SECISBP2L: variants seen among roughly 807,000 people sequenced by gnomAD.
SECISBP2L encodes SECIS binding protein 2 like.
In SECISBP2L, 43 loss-of-function variants were observed where a neutral mutation model predicts 114.7. The observed-to-expected ratio is 0.38, with a 90% CI of 0.29 to 0.48. The LOEUF (loss-of-function observed/expected upper bound fraction) is 0.48, where lower values mean the gene tolerates loss of function less well. Among genes scored for constraint, SECISBP2L ranks in the 20% least tolerant of loss-of-function variants. The pLI, the probability that SECISBP2L is intolerant of heterozygous loss-of-function variation, is 0.98. For synonymous variants in SECISBP2L, 451 were observed against 439.7 expected (o/e 1.03, Z -0.32); for missense variants, 1,136 against 1,301.1 (o/e 0.87, Z 1.95).
chr15:49,016,294 G>A (rs1902534174), intron 11 of SECISBP2L: 1 of 287,644 alleles, frequency 3.5e-6, no homozygotes, highest in Non-Finnish European at 6.4e-6. Context: ...AGGAAATCTG[G>A]TGAGTAGTTA....
chr15:49,030,169 AATATG>A (rs2141080936), intron 4 of SECISBP2L, among the ~76,000 whole-genome samples: 1 of 152,312 alleles, frequency 6.6e-6, no homozygotes, highest in African/African-American at 2.4e-5. Context: ...TGCTCTGCTT[AATATG>A]ATGTCATGTC....
intron 17 of SECISBP2L, among the ~76,000 whole-genome samples, 174 bp from the exon 18 acceptor site, chr15:48,993,100 A>AGAGAGAGTGT (rs772299775): frequency 0.023 from 3,247 of 139,162 alleles, 97 homozygotes; most frequent in African/African-American, 0.067. Flanking sequence ...ACAGAGAGAG[A>AGAGAGAGTGT]GTGTGTGTGT....
At chr15:49,032,253 A>AT (rs1200156587) in intron 4 of SECISBP2L, among the ~76,000 whole-genome samples, 1 of 152,218 alleles carries the variant, frequency 6.6e-6, no homozygotes, top group Non-Finnish European at 1.5e-5. Context: ...ACAAACAAAG[A>AT]TTTTTTACTA....
At chr15:49,012,897 AAG>A in intron 11 of SECISBP2L, 80 bp from the exon 12 acceptor site, 1 of 1,385,304 alleles carries the variant, frequency 7.2e-7, no homozygotes, top group South Asian at 1.3e-5. Flanking sequence ...CTACAAAAAC[AAG>A]AACATCCTCC....
At chr15:49,011,592 C>A in intron 13 of SECISBP2L, 139 bp downstream of exon 13, 1 of 1,006,342 alleles carries the variant, frequency 9.9e-7, no homozygotes, top group South Asian at 1.8e-5. Context: ...TTAAAAGAAA[C>A]CACTCTGAAG....
chr15:48,997,477 A>G (rs1378188392), intron 16 of SECISBP2L, among the ~76,000 whole-genome samples: 2 of 152,236 alleles, frequency 1.3e-5, no homozygotes, highest in Admixed American at 6.5e-5. Context: ...GAAGTAGAAT[A>G]TGGAGCTAAA....
intron 14 of SECISBP2L, among the ~76,000 whole-genome samples, chr15:49,007,519 G>C (rs986523147): frequency 7.2e-5 from 11 of 152,210 alleles, no homozygotes; most frequent in African/African-American, 2.7e-4. Context: ...TAAAGAGGCA[G>C]TCTGGCTACA....
chr15:49,033,011 A>G lies in SECISBP2L; in HGVS notation c.618T>C (p.Asp206=). 3 of 1,614,116 alleles carry G rather than the reference A, an allele frequency of 1.9e-6. No individual in the cohort carries two copies. The highest frequency in any genetic ancestry group is 1.1e-5 in the South Asian group (1 of 91,084). ...CCAGAAGCACAATTTTTGATCGACT[A>G]TCAGGACCTGCTGCATTTGTTTCTT... ...TQKETNAAGP[D]SRSKIVLLVD... is the part of the protein sequence containing the mutation. The change falls in exon 4 of 18, where the codon GAT becomes GAC. Residue 206 remains aspartate, a synonymous_variant. Transcript: ENST00000559471.
chr15:49,028,094 T>C (rs1407853414), intron 6 of SECISBP2L, 50 bp downstream of exon 6: 1 of 1,517,940 alleles, frequency 6.6e-7, no homozygotes, highest in Non-Finnish European at 8.9e-7. Context: ...AAAACTCTGA[T>C]ATGGACAAAG....
chr15:49,019,759 C>T (rs965331735), intron 7 of SECISBP2L: 65 of 384,036 alleles, frequency 1.7e-4, no homozygotes, highest in South Asian at 9.7e-5. Context: ...ATCCACATTG[C>T]TTTTTTCCCC....
chr15:49,009,567 C>G (rs1398176060), intron 13 of SECISBP2L, among the ~76,000 whole-genome samples, 189 bp from the exon 14 acceptor site: 1 of 152,112 alleles, frequency 6.6e-6, no homozygotes, highest in African/African-American at 2.4e-5. Context: ...TTAAATTCTC[C>G]TATTGTCTGT....
intron 11 of SECISBP2L, among the ~76,000 whole-genome samples, chr15:49,014,755 T>C (rs537058380): frequency 6.7e-6 from 1 of 148,516 alleles, no homozygotes; most frequent in Admixed American, 6.7e-5. Flanking sequence ...CAATATATAG[T>C]TATATAATTT....
chr15:49,046,186 C>T, intron 1 of SECISBP2L, 90 bp downstream of exon 1: 1 of 1,452,612 alleles, frequency 6.9e-7, no homozygotes, highest in Non-Finnish European at 9.3e-7. Flanking sequence ...GACCGGCCCC[C>T]GGTCCCCACG....
At position 48,990,836 on chromosome 15, in the gene SECISBP2L, G is replaced by A. The variant is rs1176907610; in HGVS notation, c.*1408C>T. On this transcript the variant is annotated 3_prime_UTR_variant, in exon 18 of 18. Coordinates refer to ENST00000559471, the MANE Select transcript of SECISBP2L (RefSeq NM_001193489.2). The stretch of plus-strand genomic sequence containing the variant: ...GGAAAACACACACACGTACGGATGT[G>A]TGCATGTGTGTGAGGGGGGTGGGGG... 7.1e-6 allele frequency: 1 copy of A among 140,744 alleles called. No individual in the cohort carries two copies. Among genetic ancestry groups the A allele is most frequent in the Non-Finnish European group, 1.5e-5 (1 of 65,572 alleles). 8.7% of individuals were successfully genotyped at this position (140,744 alleles called of 1,614,324 possible).
In SECISBP2L at chr15:49,028,538, C is replaced by T. The variant is rs748468992; in HGVS notation, c.809G>A (p.Ser270Asn). Residue 270 changes from serine to asparagine, a missense_variant, in exon 5 of 18, where the codon AGT becomes AAT. Physicochemically the swap from Ser to Asn is conservative, Grantham distance 46. Around this residue, in one of 2 missense-constraint regions of SECISBP2L, gnomAD observed 452 missense variants for 452.3 expected, o/e 1.00. Coordinates refer to ENST00000559471, the MANE Select transcript of SECISBP2L (RefSeq NM_001193489.2). ...EQGASEADID[S>N]DSGYCSPKHS... The stretch of plus-strand genomic sequence containing the variant: ...TTTGGGACTGCAGTAACCACTATCA[C>T]TGTCAATGTCGGCTTCACTAGCCCC... 1 of 1,614,182 alleles carries T rather than the reference C, an allele frequency of 6.2e-7. No individual in the cohort carries two copies. The highest frequency in any genetic ancestry group is 8.5e-7 in the Non-Finnish European group (1 of 1,180,026).
At chr15:48,994,032 A>T (rs1902041025) in intron 17 of SECISBP2L, among the ~76,000 whole-genome samples, 1 of 152,006 alleles carries the variant, frequency 6.6e-6, no homozygotes, top group Non-Finnish European at 1.5e-5. Flanking sequence ...AAGTCAGGAT[A>T]CATTGTTTGG....
chr15:49,010,153 A>ACACACACACACACACACACC (rs1190593953), intron 13 of SECISBP2L, among the ~76,000 whole-genome samples: 2 of 147,382 alleles, frequency 1.4e-5, no homozygotes, highest in Non-Finnish European at 3.0e-5. Flanking sequence ...ACACACACAC[A>ACACACACACACACACACACC]CCCCTCTTGC....
chr15:49,045,101 T>A (rs1435713685), intron 1 of SECISBP2L, among the ~76,000 whole-genome samples: 1 of 152,200 alleles, frequency 6.6e-6, no homozygotes, highest in East Asian at 1.9e-4. Context: ...AGACTCTGTA[T>A]CAATTTCTCT....
intron 9 of SECISBP2L, 75 bp from the exon 10 acceptor site, chr15:49,017,090 T>C: frequency 6.8e-7 from 1 of 1,463,620 alleles, no homozygotes; most frequent in Non-Finnish European, 9.3e-7. Flanking sequence ...ATCCAGAATG[T>C]GGGATGTTCT....
Sources: gnomAD v4.1 joint callset for allele counts (sites outside exome capture counted in the v4.1 genomes callset) on GRCh38, gnomAD v4.1.1 for gene constraint, gnomAD v4.1.1 regional missense constraint, MANE v1.5 for transcripts, NCBI Gene and HGNC (gene_info 2026-07-23, HGNC 2026-07-21) for gene names.